SLC4A5: variants seen among roughly 807,000 people sequenced by gnomAD.
The protein encoded by SLC4A5 is solute carrier family 4 member 5.
Under a neutral mutation model 120.4 loss-of-function variants are expected in SLC4A5, and 96 were observed. The ratio of observed to expected loss-of-function variants is 0.80; its 90% CI spans 0.68 to 0.94. The LOEUF is 0.94. Ranked by LOEUF, SLC4A5 falls within the 40% of genes least tolerant of loss-of-function variation. The probability of loss-of-function intolerance (pLI) is 0.00; values close to 1 mark genes in which losing one functional copy is unlikely to be tolerated. For missense variants in SLC4A5, 1,259 were observed against 1,459.5 expected (o/e 0.86, Z 2.24); for synonymous variants, 550 against 571.1 (o/e 0.96, Z 0.53).
Position 74,297,897 on chromosome 2 carries a change from A to C in SLC4A5, c.271+6592T>G, listed in dbSNP as rs545075195. ...CTATCTATTCCTTTCAACATGAGGC[A>C]ATTTGGCTACTTGAAAGGACATCAT... On this transcript the variant is annotated intron_variant, in intron 7 of 30. Coordinates refer to ENST00000394019, the Ensembl canonical transcript of SLC4A5. 3.3e-5 allele frequency among the ~76,000 whole-genome samples: 5 copies of C among 152,312 alleles called. No individual in the cohort carries two copies. In the South Asian group the frequency reaches 1.0e-3, roughly 32 times the overall value.
chr2:74,333,170 T>C (rs1024398840), intron 4 of SLC4A5, among the ~76,000 whole-genome samples: 2 of 152,206 alleles, frequency 1.3e-5, no homozygotes, highest in Non-Finnish European at 2.9e-5. Flanking sequence ...AGAGTACTTC[T>C]GGCCTCTAGT....
chr2:74,246,051 C>G (rs1217930217), intron 19 of SLC4A5, among the ~76,000 whole-genome samples: 1 of 152,220 alleles, frequency 6.6e-6, no homozygotes. Flanking sequence ...ACCTCCTGCT[C>G]CTGCTCTGCA....
chr2:74,259,231 T>A (rs942621214), intron 12 of SLC4A5, among the ~76,000 whole-genome samples: 1 of 152,170 alleles, frequency 6.6e-6, no homozygotes, highest in African/African-American at 2.4e-5. Context: ...CCAGCCCCAG[T>A]CCCTATCCCA....
At chr2:74,238,471 T>C (rs1670339219) in intron 21 of SLC4A5, among the ~76,000 whole-genome samples, 1 of 151,998 alleles carries the variant, frequency 6.6e-6, no homozygotes, top group Non-Finnish European at 1.5e-5. Flanking sequence ...GACAAAGATA[T>C]AAAGACTTAT....
At chr2:74,267,944 C>A (rs1366147850) in intron 8 of SLC4A5, among the ~76,000 whole-genome samples, 6 of 151,430 alleles carry the variant, frequency 4.0e-5, no homozygotes, top group African/African-American at 1.5e-4. Flanking sequence ...GAGATGGCAC[C>A]ACTGCACTCC....
In SLC4A5 at chr2:74,255,099, G is replaced by A. The variant is rs1670920364; in HGVS notation, c.1026-393C>T. ...GCCTCCCAGAGTGCTGGGATTAGAG[G>A]AATGAGCCACTGCGCTGGGCCCATT... is the stretch of plus-strand genomic sequence containing the variant. On this transcript the variant is annotated intron_variant, in intron 13 of 30. Transcript: ENST00000394019. The surrounding 1 kb of genome is among the most constrained non-coding windows in gnomAD (Gnocchi z 4.0). Among the ~76,000 whole-genome samples, 1 of 152,116 alleles carries A rather than the reference G, an allele frequency of 6.6e-6. No homozygotes were observed. The highest frequency in any genetic ancestry group is 6.5e-5 in the Admixed American group (1 of 15,276).
At chr2:74,282,474 C>A (rs1671844059) in intron 8 of SLC4A5, among the ~76,000 whole-genome samples, 1 of 152,222 alleles carries the variant, frequency 6.6e-6, no homozygotes, top group African/African-American at 2.4e-5. Flanking sequence ...TCTTCCAGGA[C>A]CTCCTCAGAT....
At chr2:74,229,570 T>A (rs974760915) in intron 25 of SLC4A5, among the ~76,000 whole-genome samples, 4 of 152,154 alleles carry the variant, frequency 2.6e-5, no homozygotes, top group Non-Finnish European at 5.9e-5. Context: ...TCGAGCTTTT[T>A]AATGCAAATA....
chr2:74,222,496 G>A (rs920499685), intron 29 of SLC4A5, among the ~76,000 whole-genome samples: 4 of 152,164 alleles, frequency 2.6e-5, no homozygotes, highest in South Asian at 2.1e-4. Context: ...GAACCAGGCC[G>A]CACAGCAGGA....
Position 74,336,369 on chromosome 2 carries a change from G to A in SLC4A5, c.-220-2192C>T, listed in dbSNP as rs570569665. Among the ~76,000 whole-genome samples the A allele has an allele frequency of 1.2e-4, 18 of 152,222 alleles. No homozygotes were observed. The South Asian group carries it at 2.3e-3, about 19-fold the overall frequency. ...CAGGAGTAAGCCACCACGCCTGGCT[G>A]AGGTCATTATTAATATTTATGAAAG... On this transcript the variant is annotated intron_variant, in intron 3 of 30. Coordinates refer to ENST00000394019, the Ensembl canonical transcript of SLC4A5.
chr2:74,239,958 T>TG (rs149700627), intron 20 of SLC4A5, among the ~76,000 whole-genome samples: 5,517 of 151,754 alleles, frequency 0.036, 278 homozygotes, highest in Admixed American at 0.14. Flanking sequence ...TTCCCCACCT[T>TG]GGTGTCTCAG....
intron 29 of SLC4A5, 85 bp downstream of exon 29, chr2:74,222,783 C>G (rs770172742): frequency 8.3e-7 from 1 of 1,210,414 alleles, no homozygotes; most frequent in Non-Finnish European, 1.2e-6. Flanking sequence ...TGATTAGATC[C>G]CCCTGAGTTA....
At chr2:74,247,086 T>C (rs1670635838) in exon 19 of SLC4A5, 1 of 1,614,074 alleles carries the variant, frequency 6.2e-7, no homozygotes, top group South Asian at 1.1e-5. Flanking sequence ...GAAGTTTGGC[T>C]TGAAGTCCAT....
At chr2:74,262,667 C>T (rs1056473844) in intron 10 of SLC4A5, among the ~76,000 whole-genome samples, 8 of 151,602 alleles carry the variant, frequency 5.3e-5, no homozygotes, top group Non-Finnish European at 1.0e-4. Context: ...CCATTGCACT[C>T]CAGCCTGGGT....
chr2:74,259,676 G>A lies in SLC4A5; in HGVS notation c.812-33C>T, dbSNP rs532890221. 21 of 1,611,996 alleles carry A rather than the reference G, an allele frequency of 1.3e-5. No individual in the cohort carries two copies. The South Asian group carries it at 2.0e-4, about 15-fold the overall frequency. Reference sequence around the variant, plus strand: ...AAAAGGAAAAGAAGATCCATCAGGGGAAGCCAGGCTCTTGCAGGTCCCTTT... The same window carrying A: ...AAAAGGAAAAGAAGATCCATCAGGGAAAGCCAGGCTCTTGCAGGTCCCTTT... On this transcript the variant is annotated intron_variant, in intron 11 of 30. Coordinates refer to ENST00000394019, the Ensembl canonical transcript of SLC4A5.
chr2:74,270,578 C>G (rs960754628), intron 8 of SLC4A5, among the ~76,000 whole-genome samples: 3 of 152,198 alleles, frequency 2.0e-5, no homozygotes, highest in African/African-American at 7.2e-5. Flanking sequence ...GAGGCTGAGG[C>G]AGGAGAATGG....
intron 19 of SLC4A5, among the ~76,000 whole-genome samples, chr2:74,245,877 T>C (rs897336248): frequency 6.6e-6 from 1 of 152,186 alleles, no homozygotes; most frequent in Non-Finnish European, 1.5e-5. Context: ...AATCGGGGTA[T>C]AGATTTGGAA....
intron 3 of SLC4A5, among the ~76,000 whole-genome samples, 173 bp downstream of exon 3, chr2:74,338,682 G>A (rs190726649): frequency 1.6e-4 from 24 of 152,118 alleles, no homozygotes; most frequent in South Asian, 6.2e-4. Flanking sequence ...TCAGCCAGGT[G>A]TAGTGGCTGT....
intron 27 of SLC4A5, 42 bp from the exon 28 acceptor site, chr2:74,225,037 A>G (rs1403580644): frequency 8.2e-6 from 13 of 1,589,300 alleles, no homozygotes; most frequent in Non-Finnish European, 1.1e-5. Context: ...AATTTGGAGA[A>G]AACTGTGGTC....
Sources: allele counts gnomAD v4.1 joint callset (sites outside exome capture counted in the v4.1 genomes callset), GRCh38; gene constraint gnomAD v4.1.1; non-coding constraint Gnocchi (gnomAD v3.1); transcripts MANE v1.5; gene names NCBI Gene and HGNC (gene_info 2026-07-23, HGNC 2026-07-21).